Variants in CDH9 observed in about 807,000 individuals in gnomAD.
The protein encoded by CDH9 is cadherin 9, also known as cadherin-9.
A neutral mutation model predicts 70.9 loss-of-function variants in CDH9; 28 were observed. That is an observed-to-expected ratio of 0.40 (90% CI 0.29 to 0.54). The LOEUF (loss-of-function observed/expected upper bound fraction) is 0.54. Among genes scored for constraint, CDH9 ranks in the 20% least tolerant of loss-of-function variants. CDH9 has a pLI of 0.59. For missense variants in CDH9, 874 were observed against 984.4 expected (o/e 0.89, Z 1.50); for synonymous variants, 409 against 343.1 (o/e 1.19, Z -2.12).
chr5:26,961,155 T>C (rs1742028181), intron 2 of CDH9, among the ~76,000 whole-genome samples: 2 of 152,108 alleles, frequency 1.3e-5, no homozygotes, highest in South Asian at 4.1e-4. Flanking sequence ...ATACAATCTG[T>C]ATATATTTAT....
At chr5:26,987,333 G>T (rs1197695586) in intron 2 of CDH9, among the ~76,000 whole-genome samples, 1 of 151,848 alleles carries the variant, frequency 6.6e-6, no homozygotes, top group Non-Finnish European at 1.5e-5. Flanking sequence ...GTTAACAAAT[G>T]AATTGTCCTG....
intron 2 of CDH9, among the ~76,000 whole-genome samples, chr5:26,943,542 T>C (rs926239700): frequency 6.7e-6 from 1 of 148,306 alleles, no homozygotes; most frequent in Non-Finnish European, 1.5e-5. Flanking sequence ...AACTCAGGAA[T>C]CTCATGAGGC....
At chr5:27,010,011 G>C (rs1040879110) in intron 1 of CDH9, among the ~76,000 whole-genome samples, 1 of 151,974 alleles carries the variant, frequency 6.6e-6, no homozygotes, top group African/African-American at 2.4e-5. Flanking sequence ...CTGAACCCTT[G>C]GCGGAGTCCT....
intron 2 of CDH9, among the ~76,000 whole-genome samples, chr5:26,974,879 T>A (rs1008069045): frequency 6.6e-6 from 1 of 152,094 alleles, no homozygotes; most frequent in African/African-American, 2.4e-5. Flanking sequence ...AAATTTCAAG[T>A]ATACAACAGA....
At chr5:26,889,586 C>T (rs1740620232) in intron 9 of CDH9, among the ~76,000 whole-genome samples, 1 of 152,078 alleles carries the variant, frequency 6.6e-6, no homozygotes, top group Non-Finnish European at 1.5e-5. Flanking sequence ...GTGATATTCA[C>T]TATAAACCTA....
intron 2 of CDH9, among the ~76,000 whole-genome samples, chr5:26,927,518 C>A (rs1741363429): frequency 6.6e-6 from 1 of 151,942 alleles, no homozygotes; most frequent in Non-Finnish European, 1.5e-5. Context: ...TAGACCTAGT[C>A]CGGCTCTATC....
intron 7 of CDH9, among the ~76,000 whole-genome samples, chr5:26,893,662 C>A (rs1172866319): frequency 6.7e-6 from 1 of 149,728 alleles, no homozygotes; most frequent in African/African-American, 2.4e-5. Context: ...TGTAAGAATG[C>A]ATAACAGCAT....
intron 2 of CDH9, among the ~76,000 whole-genome samples, chr5:26,948,505 CG>C (rs1237921667): frequency 2.6e-5 from 4 of 152,154 alleles, no homozygotes; most frequent in Non-Finnish European, 4.4e-5. Context: ...CTATGGGTTA[CG>C]AATATGCAAC....
chr5:26,976,345 C>A (rs1408201995), intron 2 of CDH9, among the ~76,000 whole-genome samples: 1 of 152,124 alleles, frequency 6.6e-6, no homozygotes, highest in African/African-American at 2.4e-5. Flanking sequence ...ATTTGAGTGA[C>A]CTTCCTATAA....
intron 1 of CDH9, among the ~76,000 whole-genome samples, chr5:27,008,853 G>T (rs1165017979): frequency 6.6e-6 from 1 of 152,040 alleles, no homozygotes; most frequent in African/African-American, 2.4e-5. Flanking sequence ...ATAATTATTT[G>T]TTCTACCTCT....
chr5:26,925,585 T>G (rs112388293), intron 2 of CDH9, among the ~76,000 whole-genome samples: 3,674 of 152,286 alleles, frequency 0.024, 139 homozygotes, highest in African/African-American at 0.086. Context: ...TGGCTTTTGT[T>G]GCCATTACTT....
At chr5:26,974,814 T>TTG (rs35950930) in intron 2 of CDH9, among the ~76,000 whole-genome samples, 70,350 of 150,004 alleles carry the variant, frequency 0.47, 17,107 homozygotes, top group Non-Finnish European at 0.53. Flanking sequence ...AGTTACCCTT[T>TTG]TGTGTGTGTG....
intron 3 of CDH9, among the ~76,000 whole-genome samples, chr5:26,908,013 A>G (rs1740979843): frequency 6.6e-6 from 1 of 152,170 alleles, no homozygotes; most frequent in Admixed American, 6.5e-5. Context: ...ATTAAGATCA[A>G]TATTAACAGC....
intron 1 of CDH9, among the ~76,000 whole-genome samples, chr5:26,998,869 TATGAAGA>T (rs1742715176): frequency 6.6e-6 from 1 of 152,186 alleles, no homozygotes; most frequent in Non-Finnish European, 1.5e-5. Flanking sequence ...CACAAGATTT[TATGAAGA>T]ATCAGTCAAT....
At chr5:26,980,427 T>A (rs778941405) in intron 2 of CDH9, among the ~76,000 whole-genome samples, 1 of 151,968 alleles carries the variant, frequency 6.6e-6, no homozygotes, top group African/African-American at 2.4e-5. Flanking sequence ...TACTCAATTG[T>A]CTATCTAAAG....
chr5:26,998,461 A>G (rs1742705222), intron 1 of CDH9, among the ~76,000 whole-genome samples: 1 of 152,140 alleles, frequency 6.6e-6, no homozygotes, highest in Non-Finnish European at 1.5e-5. Flanking sequence ...CATCATTCTC[A>G]GCAAACTATC....
intron 1 of CDH9, among the ~76,000 whole-genome samples, chr5:27,037,005 T>C (rs1743404819): frequency 6.6e-6 from 1 of 152,014 alleles, no homozygotes; most frequent in South Asian, 2.1e-4. Flanking sequence ...GTTGCAAAAA[T>C]GTATTTCACA....
intron 3 of CDH9, among the ~76,000 whole-genome samples, chr5:26,912,844 C>T (rs1741076794): frequency 6.6e-6 from 1 of 151,998 alleles, no homozygotes; most frequent in Non-Finnish European, 1.5e-5. Context: ...CACGGGAGGC[C>T]CTGATGGGAA....
intron 1 of CDH9, among the ~76,000 whole-genome samples, chr5:27,035,945 A>T (rs2112140955): frequency 6.6e-6 from 1 of 151,972 alleles, no homozygotes; most frequent in African/African-American, 2.4e-5. Flanking sequence ...ATAGAGAACA[A>T]GTTACAGCCA....
Sources: allele counts gnomAD v4.1 joint callset (sites outside exome capture counted in the v4.1 genomes callset), GRCh38; gene constraint gnomAD v4.1.1; transcripts MANE v1.5; gene names NCBI Gene and HGNC (gene_info 2026-07-23, HGNC 2026-07-21).